TATDN1: variants seen among roughly 807,000 people sequenced by gnomAD.
TATDN1 encodes TatD DNase domain containing 1.
TATDN1 carries 40 observed loss-of-function variants against 46.4 expected under a neutral mutation model. That is an observed-to-expected ratio of 0.86 (90% CI 0.67 to 1.12). The LOEUF (loss-of-function observed/expected upper bound fraction) is 1.12. Ranked by LOEUF, TATDN1 falls within the 50% of genes most tolerant of loss-of-function variation. TATDN1 has a pLI of 0.00. For synonymous variants in TATDN1, 95 were observed against 105.6 expected, an observed-to-expected ratio of 0.90 and a Z score of 0.62; for missense variants, 326 against 348.4, an observed-to-expected ratio of 0.94 and a Z score of 0.51.
At chr8:124,530,506 G>A (rs1052997523) in intron 1 of TATDN1, among the ~76,000 whole-genome samples, 1 of 152,202 alleles carries the variant, frequency 6.6e-6, no homozygotes, top group African/African-American at 2.4e-5. Context: ...AAGGAATGGA[G>A]GGAACAGCCA....
intron 3 of TATDN1, chr8:124,521,600 T>A (rs1485972018): frequency 1.3e-5 from 2 of 152,408 alleles, no homozygotes; most frequent in South Asian, 4.1e-4. Flanking sequence ...CCTGGTAGCA[T>A]AGTATGGAAT....
rs112007008 is a variant in TATDN1 at position 124,539,033 on chromosome 8, T to C, written c.14A>G (p.Lys5Arg). The change falls in exon 1 of 12, where the codon AAG becomes AGG. Residue 5 changes from lysine to arginine, a missense_variant. By Grantham distance (26) the Lys-to-Arg change is conservative. Coordinates refer to ENST00000276692, the MANE Select transcript of TATDN1 (RefSeq NM_032026.4). The part of the protein sequence containing the change: MSRF[K>R]FIDIGINLTD... ...GAAAACGCTCCTCTTACCGATAAAC[T>C]TGAAGCGACTCATGACTGCGCATGG... 1.1e-3 allele frequency: 1,856 copies of C among 1,614,112 alleles called. 15 individuals carry two copies. In the African/African-American group the frequency reaches 0.022, roughly 19 times the overall value.
intron 6 of TATDN1, among the ~76,000 whole-genome samples, chr8:124,510,070 T>C (rs1586613823): frequency 6.6e-6 from 1 of 150,900 alleles, no homozygotes; most frequent in South Asian, 2.1e-4. Context: ...AAAATAGAAA[T>C]AGTCTTCCTA....
chr8:124,493,717 A>T (rs1817216576), intron 11 of TATDN1, 116 bp downstream of exon 11: 2 of 1,234,400 alleles, frequency 1.6e-6, no homozygotes, highest in Non-Finnish European at 2.2e-6. Flanking sequence ...GGTGGTCTTG[A>T]ACCTGAACTT....
At position 124,495,352 on chromosome 8, in the gene TATDN1, GT is replaced by G. The variant is rs1180467412; in HGVS notation, c.664+119del. ...TCTTCTGGAAAACATAATTGTTGAGGTTGAGCATGCTGTTTTAAAATACTTG... is the reference window on the plus strand; with the variant it reads ...TCTTCTGGAAAACATAATTGTTGAGGTGAGCATGCTGTTTTAAAATACTTG... On this transcript the variant is annotated intron_variant, in intron 10 of 11. Coordinates refer to ENST00000276692, the MANE Select transcript of TATDN1 (RefSeq NM_032026.4). The G allele has an allele frequency of 4.2e-6, 3 of 706,274 alleles. No individual in the cohort carries two copies. In the African/African-American group the frequency reaches 5.5e-5, roughly 13 times the overall value. 43.8% of individuals were successfully genotyped at this position (706,274 alleles called of 1,614,324 possible).
chr8:124,493,623 T>C (rs1817210395), intron 11 of TATDN1, among the ~76,000 whole-genome samples: 1 of 152,250 alleles, frequency 6.6e-6, no homozygotes, highest in Non-Finnish European at 1.5e-5. Flanking sequence ...AAGGCTTTCT[T>C]GTTACCAAAG....
intron 8 of TATDN1, among the ~76,000 whole-genome samples, chr8:124,505,989 G>A (rs1818373350): frequency 6.6e-6 from 1 of 152,026 alleles, no homozygotes; most frequent in South Asian, 2.1e-4. Context: ...GGTTGGATTT[G>A]TTGTTGCTTT....
chr8:124,534,012 A>G (rs1821203068), intron 1 of TATDN1, among the ~76,000 whole-genome samples: 1 of 151,340 alleles, frequency 6.6e-6, no homozygotes, highest in African/African-American at 2.4e-5. Flanking sequence ...CGGGCGTGGT[A>G]GTGGGCGCCT....
intron 9 of TATDN1, 110 bp from the exon 10 acceptor site, chr8:124,495,652 T>C: frequency 1.3e-6 from 1 of 760,048 alleles, no homozygotes. Flanking sequence ...CCTATAACAC[T>C]TTGTTTTCAG....
At chr8:124,489,403 C>CTTTTTTTTTTTTTTTTTTCTTTCT (rs11443180) in intron 11 of TATDN1, 1 of 146,752 alleles carries the variant, frequency 6.8e-6, no homozygotes, top group Non-Finnish European at 1.5e-5. Flanking sequence ...TCTTTCCTTT[C>CTTTTTTTTTTTTTTTTTTCTTTCT]TTTTTTTTTT....
At position 124,493,865 on chromosome 8, in the gene TATDN1, G is replaced by T. The variant is rs764047148; in HGVS notation, c.759C>A (p.Cys253Ter). Residue 253 changes from cysteine to a stop codon, truncating the protein, a stop_gained, in exon 11 of 12, where the codon TGC (cysteine) becomes TGA (stop). Coordinates refer to ENST00000276692, the MANE Select transcript of TATDN1 (RefSeq NM_032026.4). LOFTEE classifies it high-confidence loss of function. ...GGCAGGGTTCATTTCTGTCTTTTAA[G>T]CAGTGCCCACTTTCCCACTTCTTTT... The part of the protein sequence containing the change: ...PTKKKWESGH[C>*]LKDRNEPCHI... 1 of 1,611,036 alleles carries T rather than the reference G, an allele frequency of 6.2e-7. No individual in the cohort carries two copies. The highest frequency in any genetic ancestry group is 1.7e-5 in the Admixed American group (1 of 59,616).
At chr8:124,516,375 T>C (rs905232085) in intron 4 of TATDN1, among the ~76,000 whole-genome samples, 3 of 152,012 alleles carry the variant, frequency 2.0e-5, no homozygotes, top group African/African-American at 7.2e-5. Context: ...CTATCACAGC[T>C]TACTGCAGCC....
intron 10 of TATDN1, 171 bp from the exon 11 acceptor site, chr8:124,494,130 T>G (rs1817255890): frequency 1.8e-6 from 1 of 564,872 alleles, no homozygotes; most frequent in African/African-American, 1.9e-5. Flanking sequence ...AATCTTGAAT[T>G]GCATCTTAAA....
chr8:124,538,971 C>T, intron 1 of TATDN1, 54 bp downstream of exon 1: 1 of 1,611,818 alleles, frequency 6.2e-7, no homozygotes, highest in Non-Finnish European at 8.5e-7. Flanking sequence ...CCTTGGTGAC[C>T]GACGCCCGGG....
rs544761236 is a variant in TATDN1 at position 124,503,394 on chromosome 8, G to A, written c.593+877C>T. Among the ~76,000 whole-genome samples, 147 of 152,222 alleles carry A rather than the reference G, an allele frequency of 9.7e-4. 1 individual carries two copies. Among genetic ancestry groups the A allele is most frequent in the Middle Eastern group, 3.4e-3 (1 of 294 alleles). On this transcript the variant is annotated intron_variant, in intron 9 of 11. Transcript: ENST00000276692. Reference sequence around the variant, plus strand: ...CTCTGATATTTGTTCATATCTGTTAGTACTACTTGACTTTTTAATCTCTAT... The same window carrying A: ...CTCTGATATTTGTTCATATCTGTTAATACTACTTGACTTTTTAATCTCTAT...
At chr8:124,533,976 C>T (rs558703570) in intron 1 of TATDN1, among the ~76,000 whole-genome samples, 54 of 151,732 alleles carry the variant, frequency 3.6e-4, no homozygotes, top group African/African-American at 1.2e-3. Flanking sequence ...GAAACCCCGT[C>T]TCTACTAAAA....
At chr8:124,512,180 T>A (rs1036613356) in intron 6 of TATDN1, among the ~76,000 whole-genome samples, 1 of 152,222 alleles carries the variant, frequency 6.6e-6, no homozygotes, top group African/African-American at 2.4e-5. Flanking sequence ...CCTAGCACTT[T>A]GGGAGGCCGT....
chr8:124,538,567 C>G (rs538969801), intron 1 of TATDN1: 1 of 205,706 alleles, frequency 4.9e-6, no homozygotes, highest in African/African-American at 2.3e-5. Flanking sequence ...GCCCTGTGTT[C>G]CTAGGCCAGT....
At chr8:124,529,502 C>G (rs981207823) in intron 1 of TATDN1, among the ~76,000 whole-genome samples, 1 of 152,070 alleles carries the variant, frequency 6.6e-6, no homozygotes, top group Non-Finnish European at 1.5e-5. Flanking sequence ...TGTAGGCTGC[C>G]GAGGCAACAG....
Sources: allele counts gnomAD v4.1 joint callset (sites outside exome capture counted in the v4.1 genomes callset), GRCh38; gene constraint gnomAD v4.1.1; transcripts MANE v1.5; gene names NCBI Gene and HGNC (gene_info 2026-07-23, HGNC 2026-07-21).